The following MCOLN2 variants were observed in gnomAD, a reference collection of about 807,000 sequenced individuals.
MCOLN2 encodes the protein mucolipin-2.
In MCOLN2, 57 loss-of-function variants were observed where a neutral mutation model predicts 67.5. The ratio of observed to expected loss-of-function variants is 0.84; its 90% CI spans 0.68 to 1.05. The LOEUF is 1.05. Among genes scored for constraint, MCOLN2 ranks in the 50% least tolerant of loss-of-function variants. MCOLN2 has a pLI of 0.00. For missense variants in MCOLN2, 620 were observed against 678.8 expected (o/e 0.91, Z 0.96); for synonymous variants, 246 against 233.3 (o/e 1.05, Z -0.50).
intron 2 of MCOLN2, 98 bp downstream of exon 2, chr1:84,965,451 G>A: frequency 4.6e-6 from 6 of 1,303,712 alleles, no homozygotes; most frequent in Non-Finnish European, 6.3e-6. Flanking sequence ...ATGAACTTGA[G>A]TGTGGGCTTT....
chr1:84,989,315 G>A (rs1391589584), intron 1 of MCOLN2, among the ~76,000 whole-genome samples: 1 of 152,014 alleles, frequency 6.6e-6, no homozygotes, highest in Non-Finnish European at 1.5e-5. Flanking sequence ...ATAATAGAAA[G>A]TCTAAAATAT....
chr1:84,967,039 T>C (rs920108954), intron 1 of MCOLN2, among the ~76,000 whole-genome samples: 2 of 152,152 alleles, frequency 1.3e-5, no homozygotes, highest in African/African-American at 4.8e-5. Context: ...TAAAGAAATA[T>C]ATACACATTG....
At chr1:84,960,977 T>G (rs1649058475) in intron 2 of MCOLN2, among the ~76,000 whole-genome samples, 2 of 152,226 alleles carry the variant, frequency 1.3e-5, no homozygotes, top group Non-Finnish European at 2.9e-5. Flanking sequence ...CATTTAATTC[T>G]CAACACCCTA....
intron 1 of MCOLN2, among the ~76,000 whole-genome samples, chr1:84,994,485 C>T (rs1651051545): frequency 6.6e-6 from 1 of 152,242 alleles, no homozygotes; most frequent in Non-Finnish European, 1.5e-5. Context: ...TAACTTGCTG[C>T]AGCTTCTATA....
At chr1:84,968,751 T>G (rs368292321) in intron 1 of MCOLN2, among the ~76,000 whole-genome samples, 4 of 152,202 alleles carry the variant, frequency 2.6e-5, no homozygotes, top group African/African-American at 9.6e-5. Flanking sequence ...AAGACAGGCA[T>G]CTTCCCCACC....
At chr1:84,961,603 G>C (rs1649091689) in intron 2 of MCOLN2, among the ~76,000 whole-genome samples, 1 of 152,122 alleles carries the variant, frequency 6.6e-6, no homozygotes, top group African/African-American at 2.4e-5. Context: ...TCCCTTTCTT[G>C]TTATGACAGA....
intron 1 of MCOLN2, among the ~76,000 whole-genome samples, chr1:84,993,177 T>C (rs1650976706): frequency 6.6e-6 from 1 of 152,230 alleles, no homozygotes; most frequent in Admixed American, 6.5e-5. Flanking sequence ...GAAACCACTT[T>C]CGTTGCTCAT....
At chr1:84,960,926 G>C (rs1363269789) in intron 2 of MCOLN2, among the ~76,000 whole-genome samples, 5 of 152,178 alleles carry the variant, frequency 3.3e-5, no homozygotes, top group Non-Finnish European at 7.3e-5. Context: ...CTTATCTGTT[G>C]AGAACCAGGC....
chr1:84,946,233 C>T (rs1648096801), intron 7 of MCOLN2, among the ~76,000 whole-genome samples: 1 of 152,186 alleles, frequency 6.6e-6, no homozygotes, highest in African/African-American at 2.4e-5. Flanking sequence ...CCCACTCAAA[C>T]TTATTACCTT....
chr1:84,927,849 G>A (rs1278179461), intron 13 of MCOLN2, among the ~76,000 whole-genome samples: 1 of 152,124 alleles, frequency 6.6e-6, no homozygotes, highest in African/African-American at 2.4e-5. Context: ...CAAAATCCTG[G>A]GCTCAAGCAA....
At chr1:84,964,867 G>C (rs1649292610) in intron 2 of MCOLN2, among the ~76,000 whole-genome samples, 1 of 133,172 alleles carries the variant, frequency 7.5e-6, no homozygotes, top group African/African-American at 3.0e-5. Context: ...CAAGCCATGG[G>C]GAGCAGCTAA....
Position 84,960,391 on chromosome 1 carries a change from T to C in MCOLN2, c.238-1689A>G, listed in dbSNP as rs192751225. ...TTATGCTATAAAAACAACTTCCTTC[T>C]GCTGAAAAAGTTCTTTAGGATGCTT... On this transcript the variant is annotated intron_variant, in intron 2 of 13. Transcript: ENST00000370608. Among the ~76,000 whole-genome samples, 392 of 152,350 alleles carry C rather than the reference T, an allele frequency of 2.6e-3. 2 individuals are homozygous for C. The highest frequency in any genetic ancestry group is 4.5e-3 in the Non-Finnish European group (308 of 68,032).
intron 1 of MCOLN2, among the ~76,000 whole-genome samples, chr1:84,984,866 G>A (rs1338899555): frequency 1.3e-5 from 2 of 152,070 alleles, no homozygotes; most frequent in Non-Finnish European, 2.9e-5. Context: ...ATGCTGGCTC[G>A]TGCCTGTAGT....
chr1:84,973,780 A>G (rs2102869923), intron 1 of MCOLN2, among the ~76,000 whole-genome samples: 1 of 152,366 alleles, frequency 6.6e-6, no homozygotes, highest in South Asian at 2.1e-4. Flanking sequence ...CTCTCACAAG[A>G]GGACATCAAT....
rs1647200824 is a variant in MCOLN2, at chr1:84,931,660, T to A, written c.1336-92A>T. 11 of 1,064,646 alleles carry A rather than the reference T, an allele frequency of 1.0e-5. No individual in the cohort carries two copies. The South Asian group carries it at 1.4e-4, about 13-fold the overall frequency. The allele number at this position is 1,064,646 out of a possible 1,614,324, so 65.9% of individuals were successfully genotyped here. A position where few individuals can be genotyped will look rare whatever the true frequency, so the allele number is the denominator to read the frequency against. The stretch of plus-strand genomic sequence containing the variant: ...GCTTGTTTTGTTAACATTGTTTTTG[T>A]CATTGTAGTAGTGGTAACTTACTTA... On this transcript the variant is annotated intron_variant, in intron 11 of 13. Transcript: ENST00000370608.
chr1:84,977,212 GC>G (rs1650032108), intron 1 of MCOLN2, among the ~76,000 whole-genome samples: 1 of 151,936 alleles, frequency 6.6e-6, no homozygotes, highest in Non-Finnish European at 1.5e-5. Flanking sequence ...GTATTTACAA[GC>G]CTCATGGTAA....
chr1:84,972,401 A>C (rs1649745162), intron 1 of MCOLN2, among the ~76,000 whole-genome samples: 1 of 152,210 alleles, frequency 6.6e-6, no homozygotes, highest in South Asian at 2.1e-4. Context: ...AGCACTAAAG[A>C]ACAAAATATC....
At chr1:84,944,557 A>G (rs545741702) in intron 7 of MCOLN2, among the ~76,000 whole-genome samples, 17 of 151,954 alleles carry the variant, frequency 1.1e-4, no homozygotes, top group East Asian at 5.8e-4. Context: ...AAGAAAGAAA[A>G]AAAACATCTA....
chr1:84,995,814 A>AAAC (rs2102899240), intron 1 of MCOLN2, among the ~76,000 whole-genome samples: 2 of 152,004 alleles, frequency 1.3e-5, no homozygotes, highest in East Asian at 3.9e-4. Flanking sequence ...TTTAAAAAAA[A>AAAC]ACACTTTTGA....
Sources: allele counts gnomAD v4.1 joint callset (sites outside exome capture counted in the v4.1 genomes callset), GRCh38; gene constraint gnomAD v4.1.1; transcripts MANE v1.5; gene names NCBI Gene and HGNC (gene_info 2026-07-23, HGNC 2026-07-21).